Variants in MTTP observed in about 807,000 individuals in gnomAD.
MTTP encodes the protein microsomal triglyceride transfer protein, also known as microsomal triglyceride transfer protein large subunit.
Under a neutral mutation model 90.6 loss-of-function variants are expected in MTTP, and 49 were observed. The ratio of observed to expected loss-of-function variants is 0.54; its 90% confidence interval spans 0.43 to 0.69. MTTP has a LOEUF of 0.69. MTTP is among the 30% of genes least tolerant of loss of function. The probability of loss-of-function intolerance (pLI) is 0.00; values close to 1 mark genes in which losing one functional copy is unlikely to be tolerated. For synonymous variants in MTTP, 347 were observed against 384.2 expected, an observed-to-expected ratio of 0.90 and a Z score of 1.13; for missense variants, 945 against 1,067.5, an observed-to-expected ratio of 0.89 and a Z score of 1.60.
In MTTP at chr4:99,601,702, C is replaced by T. The variant is rs1243158328; in HGVS notation, c.1332C>T (p.Gly444=). Residue 444 remains glycine, a synonymous_variant, in exon 10 of 18, where the codon GGC becomes GGT. Transcript: ENST00000265517. ...TLVRKLCQNE[G]CKLKAVVEAK... ...TCAGAAAGTTGTGTCAGAATGAAGGCTGCAAACTCAAAGTAAGTGCAAATC... is the reference window on the plus strand; with the variant it reads ...TCAGAAAGTTGTGTCAGAATGAAGGTTGCAAACTCAAAGTAAGTGCAAATC... 6.2e-7 allele frequency: 1 copy of T among 1,611,754 alleles called. No homozygotes were observed. The highest frequency in any genetic ancestry group is 1.7e-5 in the Admixed American group (1 of 59,954).
At chr4:99,607,226 T>C (rs1006714862) in intron 11 of MTTP, among the ~76,000 whole-genome samples, 2 of 152,220 alleles carry the variant, frequency 1.3e-5, no homozygotes, top group African/African-American at 4.8e-5. Context: ...TATATTTACT[T>C]TTATAAGTTT....
At chr4:99,594,089 C>T (rs13147975) in intron 6 of MTTP, among the ~76,000 whole-genome samples, 90,438 of 152,146 alleles carry the variant, frequency 0.59, 30,217 homozygotes, top group African/African-American at 0.89. Context: ...CCTCTCAGCA[C>T]TGCAGCTTCA....
chr4:99,600,768 T>C (rs368905839), intron 9 of MTTP, 35 bp downstream of exon 9: 5 of 1,596,704 alleles, frequency 3.1e-6, no homozygotes, highest in Non-Finnish European at 4.3e-6. Flanking sequence ...CCTCAACTCC[T>C]ATAAAACTTC....
chr4:99,621,243 C>T lies in MTTP; in HGVS notation c.2513+12C>T, dbSNP rs758872720. ...GAAGCTCCATTCAGGTAAGATGCAG[C>T]GTTCAGGTCATGTTCCAGGACCATC... On this transcript the variant is annotated intron_variant, in intron 17 of 17. Coordinates refer to ENST00000265517, the MANE Select transcript of MTTP (RefSeq NM_001386140.1). 6.2e-6 allele frequency: 10 copies of T among 1,613,574 alleles called. No individual in the cohort carries two copies. The highest frequency in any genetic ancestry group is 3.3e-5 in the Admixed American group (2 of 59,998).
chr4:99,618,839 C>A, intron 15 of MTTP, 135 bp from the exon 16 acceptor site: 1 of 1,190,712 alleles, frequency 8.4e-7, no homozygotes. Context: ...GTTTCCAAGC[C>A]TAGAGAAAGA....
intron 3 of MTTP, among the ~76,000 whole-genome samples, chr4:99,587,371 A>C (rs1725282888): frequency 1.3e-5 from 2 of 152,146 alleles, no homozygotes; most frequent in Non-Finnish European, 2.9e-5. Context: ...GATTAAAAAA[A>C]CTTTTTTCAT....
At chr4:99,569,828 A>G (rs759106470), upstream of MTTP, among the ~76,000 whole-genome samples, 3 of 151,982 alleles carry the variant, frequency 2.0e-5, no homozygotes, top group Non-Finnish European at 4.4e-5. Flanking sequence ...TAAATATACT[A>G]TATTTACAAG....
chr4:99,602,650 T>C (rs1282647739), intron 10 of MTTP, among the ~76,000 whole-genome samples: 1 of 152,144 alleles, frequency 6.6e-6, no homozygotes, highest in African/African-American at 2.4e-5. Context: ...GGCTTGGGTA[T>C]TAACTTATTA....
At chr4:99,607,665 G>A (rs1356732058) in intron 11 of MTTP, among the ~76,000 whole-genome samples, 2 of 152,162 alleles carry the variant, frequency 1.3e-5, no homozygotes, top group East Asian at 1.9e-4. Flanking sequence ...CTTACACATT[G>A]AATATCATTA....
intron 2 of MTTP, among the ~76,000 whole-genome samples, chr4:99,582,304 A>G (rs1167287933): frequency 6.6e-6 from 1 of 152,226 alleles, no homozygotes; most frequent in Non-Finnish European, 1.5e-5. Flanking sequence ...TAGAAGGTAT[A>G]TACTGGTAAA....
chr4:99,601,780 G>A, intron 10 of MTTP, 66 bp downstream of exon 10: 2 of 1,220,444 alleles, frequency 1.6e-6, no homozygotes, highest in East Asian at 2.3e-5. Flanking sequence ...TACTCACCAT[G>A]CTGCCTACTA....
intron 3 of MTTP, among the ~76,000 whole-genome samples, chr4:99,587,300 AAAGAAAAAGAGATGTGTTCATTTTTCT>A (rs1725280600): frequency 6.6e-6 from 1 of 152,174 alleles, no homozygotes. Context: ...CAGTCATATA[AAAGAAAAAGAGATGTGTTCATTTTTCT>A]AGTTCTGGGG....
At chr4:99,592,402 T>A (rs1725448928) in intron 6 of MTTP, among the ~76,000 whole-genome samples, 1 of 152,214 alleles carries the variant, frequency 6.6e-6, no homozygotes, top group Admixed American at 6.5e-5. Context: ...AAAAACTTTT[T>A]AATTTTTGTT....
chr4:99,571,648 A>T (rs1459536865), upstream of MTTP, among the ~76,000 whole-genome samples: 1 of 151,894 alleles, frequency 6.6e-6, no homozygotes, highest in Admixed American at 6.6e-5. Flanking sequence ...TTTGCTTTTG[A>T]TAAGGAATTC....
upstream of MTTP, among the ~76,000 whole-genome samples, chr4:99,572,973 G>A (rs967842903): frequency 6.6e-6 from 1 of 152,082 alleles, no homozygotes; most frequent in Non-Finnish European, 1.5e-5. Context: ...ACTTAATACA[G>A]TGACTCATAG....
At chr4:99,602,703 G>A (rs1322825108) in intron 10 of MTTP, among the ~76,000 whole-genome samples, 1 of 152,012 alleles carries the variant, frequency 6.6e-6, no homozygotes, top group East Asian at 1.9e-4. Flanking sequence ...TATTAGGGAA[G>A]CATGACTTCT....
intron 15 of MTTP, among the ~76,000 whole-genome samples, chr4:99,617,407 G>T (rs1017941404): frequency 1.3e-5 from 2 of 152,082 alleles, no homozygotes; most frequent in Non-Finnish European, 2.9e-5. Context: ...TTTGCCTGGG[G>T]TTTCCTGTGA....
At chr4:99,611,020 G>C (rs144365658) in intron 12 of MTTP, 123 bp from the exon 13 acceptor site, 3 of 971,770 alleles carry the variant, frequency 3.1e-6, no homozygotes, top group Admixed American at 4.0e-5. Flanking sequence ...CCTGGCTCTT[G>C]GAAAGGCATG....
At chr4:99,595,306 A>G (rs1442485519) in intron 7 of MTTP, among the ~76,000 whole-genome samples, 1 of 152,188 alleles carries the variant, frequency 6.6e-6, no homozygotes, top group African/African-American at 2.4e-5. Context: ...CTGAAAAAGG[A>G]TACCAGGATC....
Sources: gnomAD v4.1 joint callset for allele counts (sites outside exome capture counted in the v4.1 genomes callset) on GRCh38, gnomAD v4.1.1 for gene constraint, MANE v1.5 for transcripts, NCBI Gene and HGNC (gene_info 2026-07-23, HGNC 2026-07-21) for gene names.